The following ASIC2 variants were observed in gnomAD, a reference collection of about 807,000 sequenced individuals.
ASIC2 encodes acid-sensing ion channel 2.
Under a neutral mutation model 57.3 loss-of-function variants are expected in ASIC2, and 25 were observed. The ratio of observed to expected loss-of-function variants is 0.44; its 90% confidence interval spans 0.32 to 0.61. ASIC2 has a LOEUF of 0.61. Among genes scored for constraint, ASIC2 ranks in the 20% least tolerant of loss-of-function variants. The probability of loss-of-function intolerance (pLI) is 0.06; values close to 1 mark genes in which losing one functional copy is unlikely to be tolerated. For missense variants in ASIC2, 641 were observed against 738.1 expected (o/e 0.87, Z 1.52); for synonymous variants, 319 against 307.5 (o/e 1.04, Z -0.39).
intron 1 of ASIC2, among the ~76,000 whole-genome samples, chr17:33,728,448 AT>A (rs1431831606): frequency 1.3e-5 from 2 of 152,194 alleles, no homozygotes; most frequent in Admixed American, 1.3e-4. Flanking sequence ...AGCACAACTT[AT>A]GGGACCCCTA....
chr17:34,038,206 T>C, intron 1 of ASIC2: 1 of 1,612,260 alleles, frequency 6.2e-7, no homozygotes, highest in Non-Finnish European at 8.5e-7. Context: ...TTAAGTACTT[T>C]AAAGCATTCA....
At chr17:33,284,711 T>C (rs1341499706) in intron 1 of ASIC2, among the ~76,000 whole-genome samples, 2 of 152,190 alleles carry the variant, frequency 1.3e-5, no homozygotes, top group Non-Finnish European at 2.9e-5. Context: ...GTGACTCTAC[T>C]ACTTCCCAGA....
At chr17:33,265,507 G>A (rs547986536) in intron 1 of ASIC2, among the ~76,000 whole-genome samples, 1 of 152,270 alleles carries the variant, frequency 6.6e-6, no homozygotes, top group South Asian at 2.1e-4. Context: ...GGGGCCTGTT[G>A]GGGGAGTGGT....
At chr17:33,879,681 C>T (rs1485151232) in intron 1 of ASIC2, among the ~76,000 whole-genome samples, 1 of 152,172 alleles carries the variant, frequency 6.6e-6, no homozygotes, top group Non-Finnish European at 1.5e-5. Context: ...CCAATGTCAA[C>T]ATTAGACACA....
At chr17:33,391,407 AC>A (rs1909884116) in intron 1 of ASIC2, among the ~76,000 whole-genome samples, 1 of 152,214 alleles carries the variant, frequency 6.6e-6, no homozygotes, top group African/African-American at 2.4e-5. Context: ...ATCATGAGTT[AC>A]TTTTTGAGTT....
intron 1 of ASIC2, among the ~76,000 whole-genome samples, chr17:34,016,402 C>T (rs1017549579): frequency 2.2e-4 from 26 of 116,514 alleles, no homozygotes; most frequent in Non-Finnish European, 2.2e-4. Context: ...CCAGCCTGGA[C>T]GAAAGAGCGA....
intron 1 of ASIC2, among the ~76,000 whole-genome samples, chr17:33,973,790 G>A (rs1195501121): frequency 1.4e-5 from 2 of 144,308 alleles, no homozygotes; most frequent in African/African-American, 5.3e-5. Flanking sequence ...TTCTCCTCTG[G>A]GTAAGCGTAT....
intron 1 of ASIC2, among the ~76,000 whole-genome samples, chr17:34,093,259 T>A (rs936221397): frequency 6.6e-6 from 1 of 152,130 alleles, no homozygotes; most frequent in Non-Finnish European, 1.5e-5. Flanking sequence ...CTTTCCCACA[T>A]CCTGCACCCA....
At position 33,133,126 on chromosome 17, in the gene ASIC2, G is replaced by T. The variant is rs912146306; in HGVS notation, c.709-21059C>A. Among the ~76,000 whole-genome samples, 3 of 152,342 alleles carry T rather than the reference G, an allele frequency of 2.0e-5. No individual in the cohort carries two copies. In the South Asian group the frequency reaches 6.2e-4, roughly 32 times the overall value. ...GGGGAGAGACAGAGTTGGGCTGAGCGATCAGCTCTCACCTGAGCGATCAGA... is the reference window on the plus strand; with the variant it reads ...GGGGAGAGACAGAGTTGGGCTGAGCTATCAGCTCTCACCTGAGCGATCAGA... On this transcript the variant is annotated intron_variant, in intron 1 of 9. Transcript: ENST00000225823.
chr17:33,148,101 A>G (rs933665176), intron 1 of ASIC2, among the ~76,000 whole-genome samples: 2 of 152,200 alleles, frequency 1.3e-5, no homozygotes, highest in Non-Finnish European at 2.9e-5. Context: ...AGTAATAATA[A>G]CAACGCCTTG....
chr17:33,724,795 TAATA>T (rs1367579356), intron 1 of ASIC2, among the ~76,000 whole-genome samples: 1 of 151,892 alleles, frequency 6.6e-6, no homozygotes. Flanking sequence ...GAGTTTGTAT[TAATA>T]AATAGCATGC....
chr17:33,819,316 A>G (rs1487616097), intron 1 of ASIC2, among the ~76,000 whole-genome samples: 7 of 152,224 alleles, frequency 4.6e-5, no homozygotes, highest in Non-Finnish European at 8.8e-5. Context: ...TCCTCTCTCT[A>G]TTGCTCATGG....
At chr17:33,832,115 A>C (rs1234094746) in intron 1 of ASIC2, among the ~76,000 whole-genome samples, 1 of 152,210 alleles carries the variant, frequency 6.6e-6, no homozygotes, top group East Asian at 1.9e-4. Flanking sequence ...ACCAATACTC[A>C]TCTCTAGCCT....
intron 1 of ASIC2, among the ~76,000 whole-genome samples, chr17:34,094,067 G>C (rs937981473): frequency 6.6e-6 from 1 of 152,092 alleles, no homozygotes; most frequent in Non-Finnish European, 1.5e-5. Context: ...GAAGAAGAAC[G>C]AACTATAAAG....
intron 1 of ASIC2, among the ~76,000 whole-genome samples, chr17:33,452,906 C>A (rs1172386489): frequency 1.3e-5 from 2 of 152,100 alleles, no homozygotes; most frequent in Non-Finnish European, 2.9e-5. Flanking sequence ...GTTAATGAAG[C>A]TCCTCCGAAT....
At chr17:33,474,916 A>G (rs1402484777) in intron 1 of ASIC2, among the ~76,000 whole-genome samples, 1 of 152,114 alleles carries the variant, frequency 6.6e-6, no homozygotes, top group Non-Finnish European at 1.5e-5. Flanking sequence ...AGTCCTTTCT[A>G]TCTCACCTGA....
chr17:33,472,154 G>A (rs1436710724), intron 1 of ASIC2, among the ~76,000 whole-genome samples: 2 of 151,908 alleles, frequency 1.3e-5, no homozygotes, highest in East Asian at 3.9e-4. Context: ...CAAGTAGCTG[G>A]GATTACAGGT....
chr17:34,095,252 G>T (rs1206013852), intron 1 of ASIC2, among the ~76,000 whole-genome samples: 2 of 152,134 alleles, frequency 1.3e-5, no homozygotes, highest in Non-Finnish European at 2.9e-5. Flanking sequence ...CCCCAGGTGG[G>T]CACAGTGGAT....
chr17:33,235,634 G>A (rs965407000), intron 1 of ASIC2, among the ~76,000 whole-genome samples: 1 of 152,132 alleles, frequency 6.6e-6, no homozygotes, highest in Non-Finnish European at 1.5e-5. Flanking sequence ...GGAGCCCTCT[G>A]TGCTGCCCTG....
Sources: gnomAD v4.1 joint callset for allele counts (sites outside exome capture counted in the v4.1 genomes callset) on GRCh38, gnomAD v4.1.1 for gene constraint, MANE v1.5 for transcripts, NCBI Gene and HGNC (gene_info 2026-07-23, HGNC 2026-07-21) for gene names.